The following IL1RAPL2 variants were observed in gnomAD, a reference collection of about 807,000 sequenced individuals.
The protein encoded by IL1RAPL2 is X-linked interleukin-1 receptor accessory protein-like 2.
Under a neutral mutation model 44.1 loss-of-function variants are expected in IL1RAPL2, and 3 were observed. The observed-to-expected ratio is 0.07, with a 90% CI of 0.03 to 0.18. IL1RAPL2 has a LOEUF of 0.18. Ranked by LOEUF, IL1RAPL2 falls within the 10% of genes least tolerant of loss-of-function variation. IL1RAPL2 has a pLI of 1.00. For synonymous variants in IL1RAPL2, 181 were observed against 178.8 expected, an observed-to-expected ratio of 1.01 and a Z score of -0.10; for missense variants, 391 against 496.4, an observed-to-expected ratio of 0.79 and a Z score of 2.02.
intron 5 of IL1RAPL2, among the ~76,000 whole-genome samples, chrX:105,300,519 C>G (rs188888737): frequency 1.8e-5 from 2 of 111,245 alleles, no homozygotes; most frequent in Non-Finnish European, 3.8e-5. Context: ...GGCCCCAACT[C>G]CAACACTGGG....
Position 104,584,377 on chromosome X carries a change from T to C in IL1RAPL2, c.-20+17326T>C, listed in dbSNP as rs1485151685. Among the ~76,000 whole-genome samples, 21 of 111,013 alleles carry C rather than the reference T, an allele frequency of 1.9e-4. No individual in the cohort carries two copies. The Admixed American group carries it at 1.9e-3, about 10-fold the overall frequency. On this transcript the variant is annotated intron_variant, in intron 1 of 10. Transcript: ENST00000372582. ...TCTTTATCACATCTCCTTCTTTTCCTGGTGAATACATGCCTCCCTCACAGA... is the reference window on the plus strand; with the variant it reads ...TCTTTATCACATCTCCTTCTTTTCCCGGTGAATACATGCCTCCCTCACAGA...
chrX:104,597,328 G>T (rs1258150451), intron 1 of IL1RAPL2, among the ~76,000 whole-genome samples: 1 of 91,845 alleles, frequency 1.1e-5, no homozygotes, highest in African/African-American at 4.3e-5. Context: ...TGGGGCAACA[G>T]AGTGAGACTC....
At chrX:104,719,082 A>G (rs1017975724) in intron 2 of IL1RAPL2, among the ~76,000 whole-genome samples, 24 of 112,472 alleles carry the variant, frequency 2.1e-4, no homozygotes, top group African/African-American at 7.1e-4. Flanking sequence ...GAGCAAGAGC[A>G]GAGAAATTTT....
intron 2 of IL1RAPL2, among the ~76,000 whole-genome samples, chrX:104,790,711 C>T (rs1932821319): frequency 9.0e-6 from 1 of 111,596 alleles, no homozygotes; most frequent in African/African-American, 3.3e-5. Flanking sequence ...TTATAATTTT[C>T]CCCCTCATAT....
At chrX:105,256,346 T>C (rs2034314787) in intron 4 of IL1RAPL2, among the ~76,000 whole-genome samples, 2 of 108,272 alleles carry the variant, frequency 1.8e-5, no homozygotes, top group South Asian at 8.0e-4. Context: ...TTTTTTTTTT[T>C]GAGACGGAGT....
intron 10 of IL1RAPL2, among the ~76,000 whole-genome samples, chrX:105,764,813 T>TA (rs2038716605): frequency 9.1e-6 from 1 of 110,403 alleles, no homozygotes; most frequent in African/African-American, 3.3e-5. Flanking sequence ...CTCAAAAAAA[T>TA]AAAAAAATAA....
intron 6 of IL1RAPL2, among the ~76,000 whole-genome samples, chrX:105,540,891 GA>G (rs1352778559): frequency 5.8e-5 from 1 of 17,363 alleles, no homozygotes; most frequent in African/African-American, 2.6e-4. Flanking sequence ...TATTATATAT[GA>G]TATATAATAC....
At chrX:105,159,047 A>C (rs1170333998) in intron 2 of IL1RAPL2, among the ~76,000 whole-genome samples, 1 of 112,174 alleles carries the variant, frequency 8.9e-6, no homozygotes, top group Non-Finnish European at 1.9e-5. Context: ...ACTGTGTACC[A>C]GGCATTATAC....
At chrX:105,690,225 AT>A (rs2038024068) in intron 6 of IL1RAPL2, among the ~76,000 whole-genome samples, 1 of 111,415 alleles carries the variant, frequency 9.0e-6, no homozygotes, top group Non-Finnish European at 1.9e-5. Flanking sequence ...AATAACAAAA[AT>A]TTTTTTAATA....
intron 2 of IL1RAPL2, among the ~76,000 whole-genome samples, chrX:105,071,757 T>C (rs750386670): frequency 8.9e-6 from 1 of 111,804 alleles, no homozygotes; most frequent in Admixed American, 9.5e-5. Flanking sequence ...GTGCTAGTAA[T>C]ATACAATGGG....
intron 1 of IL1RAPL2, among the ~76,000 whole-genome samples, chrX:104,637,325 C>T (rs1833807151): frequency 9.0e-6 from 1 of 111,237 alleles, no homozygotes; most frequent in African/African-American, 3.3e-5. Context: ...TTTCTCTTAC[C>T]TGACTGTTCT....
intron 6 of IL1RAPL2, among the ~76,000 whole-genome samples, chrX:105,564,577 A>C (rs2036961453): frequency 8.9e-6 from 1 of 112,482 alleles, no homozygotes; most frequent in Non-Finnish European, 1.9e-5. Context: ...ATAACTTTAG[A>C]TATGCCTTGC....
chrX:104,782,879 C>T (rs1276248725), intron 2 of IL1RAPL2, among the ~76,000 whole-genome samples: 1 of 111,927 alleles, frequency 8.9e-6, no homozygotes, highest in African/African-American at 3.2e-5. Flanking sequence ...TATAGATGCT[C>T]TCCCATAGTG....
At chrX:104,745,576 A>C (rs1448058614) in intron 2 of IL1RAPL2, among the ~76,000 whole-genome samples, 1 of 112,460 alleles carries the variant, frequency 8.9e-6, no homozygotes, top group Non-Finnish European at 1.9e-5. Flanking sequence ...ATTGAAGTTT[A>C]ATCAGGTACA....
At chrX:105,191,537 C>A (rs181951751) in intron 2 of IL1RAPL2, among the ~76,000 whole-genome samples, 96 of 111,964 alleles carry the variant, frequency 8.6e-4, no homozygotes, top group African/African-American at 3.0e-3. Context: ...TTGGTACCCA[C>A]AAGACTAAAC....
chrX:104,982,515 A>G (rs1440393962), intron 2 of IL1RAPL2, among the ~76,000 whole-genome samples: 2 of 111,568 alleles, frequency 1.8e-5, no homozygotes, highest in Non-Finnish European at 1.9e-5. Context: ...TATAGTATGT[A>G]GCAAAGTGCC....
At chrX:104,773,121 C>T (rs1209627549) in intron 2 of IL1RAPL2, among the ~76,000 whole-genome samples, 2 of 111,148 alleles carry the variant, frequency 1.8e-5, no homozygotes, top group Non-Finnish European at 3.8e-5. Context: ...GTTGCCCAGG[C>T]TAATCTTGAA....
intron 5 of IL1RAPL2, among the ~76,000 whole-genome samples, chrX:105,357,712 CT>C (rs1460279350): frequency 9.8e-6 from 1 of 101,641 alleles, no homozygotes; most frequent in African/African-American, 4.6e-5. Context: ...ATTGTTTTTG[CT>C]TTTTTTGATA....
At chrX:104,611,609 G>A (rs900916658) in intron 1 of IL1RAPL2, among the ~76,000 whole-genome samples, 3 of 110,107 alleles carry the variant, frequency 2.7e-5, no homozygotes, top group Non-Finnish European at 3.8e-5. Context: ...AGGCTGAGGC[G>A]GACAGATCAC....
Sources: gnomAD v4.1 joint callset for allele counts (sites outside exome capture counted in the v4.1 genomes callset) on GRCh38, gnomAD v4.1.1 for gene constraint, MANE v1.5 for transcripts, NCBI Gene and HGNC (gene_info 2026-07-23, HGNC 2026-07-21) for gene names.